CMTM8: variants seen among roughly 807,000 people sequenced by gnomAD.
The protein encoded by CMTM8 is CKLF-like MARVEL transmembrane domain-containing protein 8.
A neutral mutation model predicts 18.6 loss-of-function variants in CMTM8; 12 were observed. The ratio of observed to expected loss-of-function variants is 0.65; its 90% confidence interval spans 0.41 to 1.05. The LOEUF is 1.05. Ranked by LOEUF, CMTM8 falls within the 50% of genes least tolerant of loss-of-function variation. The pLI is 0.00. For synonymous variants in CMTM8, 87 were observed against 90.6 expected (o/e 0.96, Z 0.23); for missense variants, 217 against 227.2 (o/e 0.95, Z 0.29).
At chr3:32,330,513 A>G (rs796932741) in intron 1 of CMTM8, among the ~76,000 whole-genome samples, 11 of 152,302 alleles carry the variant, frequency 7.2e-5, no homozygotes, top group African/African-American at 2.4e-4. Flanking sequence ...TTATATGTAT[A>G]TAAAACAAAG....
chr3:32,296,793 T>G (rs754438215), intron 1 of CMTM8, among the ~76,000 whole-genome samples: 2 of 152,108 alleles, frequency 1.3e-5, no homozygotes, highest in Non-Finnish European at 2.9e-5. Context: ...CTCACCCAGG[T>G]TTTCCTCGGG....
At chr3:32,366,369 CT>C (rs1697036395) in intron 2 of CMTM8, among the ~76,000 whole-genome samples, 1 of 152,204 alleles carries the variant, frequency 6.6e-6, no homozygotes, top group Non-Finnish European at 1.5e-5. Context: ...GAGAGTCTTT[CT>C]TTCCCCATCT....
At chr3:32,299,561 G>A (rs992644130) in intron 1 of CMTM8, among the ~76,000 whole-genome samples, 5 of 152,286 alleles carry the variant, frequency 3.3e-5, no homozygotes, top group East Asian at 3.9e-4. Flanking sequence ...CATGCAGTGC[G>A]TAATAATCAC....
In CMTM8 at chr3:32,357,557, T is replaced by TGTGG; in HGVS notation, c.321+16_321+19dup. 3.7e-6 allele frequency: 6 copies of TGTGG among 1,613,644 alleles called. No homozygotes were observed. Among genetic ancestry groups the TGTGG allele is most frequent in the Non-Finnish European group, 5.1e-6 (6 of 1,179,680 alleles). ...CCCTGGACAACAGTGGTAAGGAAGC[T>TGTGG]GTGGGTGGTGGTCTTGTCCAGTGCC... On this transcript the variant is annotated intron_variant, in intron 2 of 3. Transcript: ENST00000307526.
intron 1 of CMTM8, among the ~76,000 whole-genome samples, chr3:32,350,840 G>C (rs1471399298): frequency 3.3e-5 from 5 of 151,744 alleles, no homozygotes; most frequent in African/African-American, 9.7e-5. Context: ...TGTATTTTTA[G>C]TAGAGGCGGG....
chr3:32,283,473 G>A (rs139509441), intron 1 of CMTM8, among the ~76,000 whole-genome samples: 29 of 152,302 alleles, frequency 1.9e-4, no homozygotes, highest in East Asian at 5.8e-4. Context: ...TGACCAGCAC[G>A]TCCCCCGGGA....
chr3:32,267,372 T>C (rs533940232), intron 1 of CMTM8, among the ~76,000 whole-genome samples: 9 of 152,336 alleles, frequency 5.9e-5, no homozygotes, highest in African/African-American at 2.2e-4. Context: ...ATTTAATAAA[T>C]GGTGCTGGGA....
chr3:32,328,665 G>T (rs1481784167), intron 1 of CMTM8, among the ~76,000 whole-genome samples: 1 of 150,754 alleles, frequency 6.6e-6, no homozygotes, highest in Admixed American at 6.6e-5. Context: ...TGAAAGAAAA[G>T]ACATTGCTAA....
chr3:32,304,857 A>G (rs1695691159), intron 1 of CMTM8, among the ~76,000 whole-genome samples: 1 of 152,262 alleles, frequency 6.6e-6, no homozygotes, highest in Admixed American at 6.5e-5. Context: ...TTAAGGAGAC[A>G]GATTTAAACT....
At chr3:32,310,206 G>A (rs1695794120) in intron 1 of CMTM8, among the ~76,000 whole-genome samples, 1 of 151,634 alleles carries the variant, frequency 6.6e-6, no homozygotes, top group South Asian at 2.1e-4. Context: ...GTGTGGCTTT[G>A]AAATTAGGTA....
chr3:32,318,138 G>A (rs539011491), intron 1 of CMTM8, among the ~76,000 whole-genome samples: 3 of 150,772 alleles, frequency 2.0e-5, no homozygotes, highest in Non-Finnish European at 4.4e-5. Flanking sequence ...AATCAGGAAA[G>A]CAACCTGTGG....
intron 1 of CMTM8, among the ~76,000 whole-genome samples, chr3:32,272,031 A>G (rs1394699754): frequency 6.6e-6 from 1 of 152,104 alleles, no homozygotes; most frequent in Non-Finnish European, 1.5e-5. Flanking sequence ...CTTACACCTC[A>G]CACCTATTTT....
intron 1 of CMTM8, among the ~76,000 whole-genome samples, chr3:32,300,865 C>T (rs1005098197): frequency 2.7e-5 from 4 of 150,824 alleles, no homozygotes; most frequent in Non-Finnish European, 5.9e-5. Flanking sequence ...GAGGCTGAGG[C>T]AGGAGAATTG....
At chr3:32,293,077 G>GTATATATATA (rs61467491) in intron 1 of CMTM8, among the ~76,000 whole-genome samples, 18 of 145,774 alleles carry the variant, frequency 1.2e-4, no homozygotes, top group Admixed American at 3.4e-4. Flanking sequence ...ATATGTGTGT[G>GTATATATATA]TATATATATA....
At position 32,238,999 on chromosome 3, in the gene CMTM8, GCA is replaced by G. The variant is rs772704142; in HGVS notation, c.32_33del (p.Thr11SerfsTer52). 3.0e-5 allele frequency: 47 copies of G among 1,555,148 alleles called. No homozygotes were observed. The highest frequency in any genetic ancestry group is 1.9e-4 in the Admixed American group (10 of 51,528). On this transcript the variant is annotated frameshift_variant, in exon 1 of 4. Transcript: ENST00000307526. LOFTEE classifies it high-confidence loss of function. ...TGGAGGAGCCGCAGCGCGCCCGCTC[GCA>G]CACAGTCACCACCACCGCCAGCTCC... MEEPQRARS[H>X]TVTTTASSFA... is the part of the protein sequence containing the mutation.
intron 1 of CMTM8, among the ~76,000 whole-genome samples, chr3:32,354,913 T>C (rs1696786148): frequency 6.6e-6 from 1 of 152,238 alleles, no homozygotes; most frequent in African/African-American, 2.4e-5. Context: ...TATCCCATTT[T>C]GTGTATCTTC....
intron 1 of CMTM8, among the ~76,000 whole-genome samples, chr3:32,350,335 T>G (rs1696680756): frequency 6.6e-6 from 1 of 151,664 alleles, no homozygotes; most frequent in Non-Finnish European, 1.5e-5. Flanking sequence ...AAGTCAGTTA[T>G]CCATTGTTCA....
intron 1 of CMTM8, among the ~76,000 whole-genome samples, chr3:32,255,013 A>G (rs7624627): frequency 0.12 from 17,762 of 152,206 alleles, 1,146 homozygotes; most frequent in African/African-American, 0.17. Flanking sequence ...CCTATAATAT[A>G]TGGTCTTCTT....
At chr3:32,253,972 C>G (rs7643677) in intron 1 of CMTM8, among the ~76,000 whole-genome samples, 83,132 of 151,832 alleles carry the variant, frequency 0.55, 22,740 homozygotes, top group Middle Eastern at 0.65. Flanking sequence ...CAGCTCACTG[C>G]AACCTCTGCC....
Sources: gnomAD v4.1 joint callset for allele counts (sites outside exome capture counted in the v4.1 genomes callset) on GRCh38, gnomAD v4.1.1 for gene constraint, MANE v1.5 for transcripts, NCBI Gene and HGNC (gene_info 2026-07-23, HGNC 2026-07-21) for gene names.